ITGBL1: variants seen among roughly 807,000 people sequenced by gnomAD.
ITGBL1 encodes the protein integrin subunit beta like 1, also known as integrin beta-like protein 1.
A neutral mutation model predicts 68.5 loss-of-function variants in ITGBL1; 51 were observed. That is an observed-to-expected ratio of 0.74 (90% CI 0.59 to 0.94). The LOEUF (loss-of-function observed/expected upper bound fraction) is 0.94, where lower values mean the gene tolerates loss of function less well. ITGBL1 is among the 40% of genes least tolerant of loss of function. The pLI is 0.00. For missense variants in ITGBL1, 649 were observed against 647.4 expected, an observed-to-expected ratio of 1.00 and a Z score of -0.03; for synonymous variants, 209 against 227.3, an observed-to-expected ratio of 0.92 and a Z score of 0.72.
intron 2 of ITGBL1, among the ~76,000 whole-genome samples, chr13:101,507,465 AATG>A (rs1465577273): frequency 6.2e-4 from 95 of 152,334 alleles, no homozygotes; most frequent in African/African-American, 2.2e-3. Context: ...CTATTTCTAG[AATG>A]ATTTTTTACC....
intron 2 of ITGBL1, among the ~76,000 whole-genome samples, chr13:101,507,259 G>A (rs2049041135): frequency 6.6e-6 from 1 of 152,198 alleles, no homozygotes; most frequent in Non-Finnish European, 1.5e-5. Context: ...CAGGAGGACA[G>A]CCTGCTTTGT....
chr13:101,628,274 G>A (rs1441929024), intron 7 of ITGBL1, among the ~76,000 whole-genome samples: 2 of 151,964 alleles, frequency 1.3e-5, no homozygotes, highest in Non-Finnish European at 2.9e-5. Flanking sequence ...AAGATCTTTG[G>A]GCCATTTTTA....
At chr13:101,495,558 G>T (rs1031561429) in intron 2 of ITGBL1, among the ~76,000 whole-genome samples, 24 of 151,836 alleles carry the variant, frequency 1.6e-4, no homozygotes, top group African/African-American at 5.3e-4. Flanking sequence ...TGCTATTTGT[G>T]TAGGAATCTT....
chr13:101,506,110 G>A (rs528385121), intron 2 of ITGBL1, among the ~76,000 whole-genome samples: 4 of 152,244 alleles, frequency 2.6e-5, no homozygotes, highest in South Asian at 4.1e-4. Context: ...ACTACAATGC[G>A]CTCACTGTGG....
chr13:101,669,503 G>A (rs1414506164), intron 7 of ITGBL1, among the ~76,000 whole-genome samples: 1 of 152,104 alleles, frequency 6.6e-6, no homozygotes. Context: ...GTGCAATCAA[G>A]TTGGCTTAAG....
At chr13:101,570,519 A>G (rs2050255232) in intron 3 of ITGBL1, among the ~76,000 whole-genome samples, 1 of 152,148 alleles carries the variant, frequency 6.6e-6, no homozygotes, top group African/African-American at 2.4e-5. Context: ...CCCTTTCTGC[A>G]AATAGGCTTG....
At chr13:101,670,915 G>A (rs1403778237) in intron 7 of ITGBL1, among the ~76,000 whole-genome samples, 1 of 152,084 alleles carries the variant, frequency 6.6e-6, no homozygotes, top group Non-Finnish European at 1.5e-5. Flanking sequence ...TGATGGCTCT[G>A]GTTGGATGCT....
At chr13:101,689,584 G>A (rs567942716) in intron 7 of ITGBL1, among the ~76,000 whole-genome samples, 2 of 152,102 alleles carry the variant, frequency 1.3e-5, no homozygotes, top group Admixed American at 1.3e-4. Context: ...CAACCTGAGT[G>A]ACAGAGCAAG....
At chr13:101,498,741 G>T (rs1001992095) in intron 2 of ITGBL1, among the ~76,000 whole-genome samples, 1 of 152,072 alleles carries the variant, frequency 6.6e-6, no homozygotes, top group Non-Finnish European at 1.5e-5. Flanking sequence ...TAGCATGAAC[G>T]GCCGCAGATG....
chr13:101,528,380 G>GCC (rs2049416391), intron 2 of ITGBL1, among the ~76,000 whole-genome samples: 2 of 151,472 alleles, frequency 1.3e-5, no homozygotes, highest in Admixed American at 1.3e-4. Flanking sequence ...ATAAATGTTT[G>GCC]TGTACATTGT....
chr13:101,641,209 A>G lies in ITGBL1; in HGVS notation c.1015+42910A>G, dbSNP rs189887819. Among the ~76,000 whole-genome samples, 8 of 152,312 alleles carry G rather than the reference A, an allele frequency of 5.3e-5. No homozygotes were observed. The East Asian group carries it at 1.5e-3, about 29-fold the overall frequency. On this transcript the variant is annotated intron_variant, in intron 7 of 10. Transcript: ENST00000376180. ...TGACATAGATTAGCAGCAGAGTGTC[A>G]ATGTGTGCAGTGAGGGAATGATGAG...
intron 7 of ITGBL1, among the ~76,000 whole-genome samples, chr13:101,621,003 A>T (rs9300686): frequency 6.6e-6 from 1 of 152,076 alleles, no homozygotes; most frequent in Non-Finnish European, 1.5e-5. Context: ...AATAAGAAGC[A>T]AATCAATTGT....
At chr13:101,454,619 G>A (rs1462136270) in intron 2 of ITGBL1, among the ~76,000 whole-genome samples, 1 of 152,152 alleles carries the variant, frequency 6.6e-6, no homozygotes, top group African/African-American at 2.4e-5. Flanking sequence ...GAATGTTAAT[G>A]ATAATATTTG....
At chr13:101,489,908 T>C in intron 2 of ITGBL1, 2 of 1,240,144 alleles carry the variant, frequency 1.6e-6, no homozygotes, top group South Asian at 2.6e-5. Flanking sequence ...AGTGTGACGG[T>C]TGCTAGCTTT....
At chr13:101,637,658 G>C (rs1385926012) in intron 7 of ITGBL1, among the ~76,000 whole-genome samples, 1 of 152,080 alleles carries the variant, frequency 6.6e-6, no homozygotes, top group Non-Finnish European at 1.5e-5. Context: ...ATAATTTTAA[G>C]AACATTAATT....
intron 7 of ITGBL1, among the ~76,000 whole-genome samples, chr13:101,644,355 A>C (rs965752874): frequency 6.6e-6 from 1 of 152,188 alleles, no homozygotes; most frequent in Admixed American, 6.5e-5. Context: ...AATCTGAGTG[A>C]TATTCATGGA....
chr13:101,502,918 T>G (rs868128221), intron 2 of ITGBL1, among the ~76,000 whole-genome samples: 1 of 152,144 alleles, frequency 6.6e-6, no homozygotes, highest in South Asian at 2.1e-4. Context: ...TTCCTTAGTG[T>G]TTTTCCATTA....
At position 101,598,245 on chromosome 13, in the gene ITGBL1, G is replaced by A. The variant is rs777487875; in HGVS notation, c.961G>A (p.Glu321Lys). 6.2e-7 allele frequency: 1 copy of A among 1,613,604 alleles called. No homozygotes were observed. The highest frequency in any genetic ancestry group is 1.3e-5 in the African/African-American group (1 of 74,906). ...EHPQSCTLSA[E>K]ESIRKCQGSS... is the part of the protein sequence containing the mutation. ...CCCACAGTCCTGCACGCTGTCAGCT[G>A]AGGAGAGCATCAGGAAGTGCCAGGG... The change falls in exon 7 of 11, where the codon GAG (glutamate) becomes AAG (lysine). Residue 321 changes from glutamate (E) to lysine (K), a missense_variant. Physicochemically the swap from Glu to Lys is moderately conservative, Grantham distance 56. Coordinates refer to ENST00000376180, the MANE Select transcript of ITGBL1 (RefSeq NM_004791.3).
chr13:101,624,157 C>G (rs1163782058), intron 7 of ITGBL1, among the ~76,000 whole-genome samples: 1 of 152,168 alleles, frequency 6.6e-6, no homozygotes, highest in African/African-American at 2.4e-5. Context: ...CTACCTACTG[C>G]TTTCTCTGGG....
Sources: gnomAD v4.1 joint callset for allele counts (sites outside exome capture counted in the v4.1 genomes callset) on GRCh38, gnomAD v4.1.1 for gene constraint, MANE v1.5 for transcripts, NCBI Gene and HGNC (gene_info 2026-07-23, HGNC 2026-07-21) for gene names.